The following USP28 variants were observed in gnomAD, a reference collection of about 807,000 sequenced individuals.
USP28 encodes the protein ubiquitin carboxyl-terminal hydrolase 28.
USP28 carries 113 observed loss-of-function variants against 145.0 expected under a neutral mutation model. The ratio of observed to expected loss-of-function variants is 0.78; its 90% confidence interval spans 0.67 to 0.91. USP28 has a LOEUF of 0.91. Ranked by LOEUF, USP28 falls within the 40% of genes least tolerant of loss-of-function variation. The probability of loss-of-function intolerance (pLI) is 0.00; values close to 1 mark genes in which losing one functional copy is unlikely to be tolerated. For synonymous variants in USP28, 447 were observed against 450.9 expected (o/e 0.99, Z 0.11); for missense variants, 1,201 against 1,289.6 (o/e 0.93, Z 1.05).
At chr11:113,845,647 T>C (rs112025645) in intron 3 of USP28, among the ~76,000 whole-genome samples, 1,871 of 152,248 alleles carry the variant, frequency 0.012, 23 homozygotes, top group South Asian at 0.034. Flanking sequence ...CAATCTCAGC[T>C]CACTGTAGCC....
At chr11:113,822,458 C>CAGAGAGAGAGAGAGAGAGAGAGAG (rs10524675) in intron 12 of USP28, 2 of 136,398 alleles carry the variant, frequency 1.5e-5, no homozygotes, top group African/African-American at 2.9e-5. Flanking sequence ...TCAAAAAAAA[C>CAGAGAGAGAGAGAGAGAGAGAGAG]AGAGAGAGAG....
chr11:113,805,444 T>C (rs1226294262), intron 19 of USP28, among the ~76,000 whole-genome samples: 5 of 151,940 alleles, frequency 3.3e-5, no homozygotes, highest in Middle Eastern at 6.8e-3. Flanking sequence ...TTGATAGAGA[T>C]TGGGTTTCGC....
At chr11:113,803,768 T>C (rs772095909) in intron 22 of USP28, 30 bp downstream of exon 23, 4 of 1,583,868 alleles carry the variant, frequency 2.5e-6, no homozygotes, top group Non-Finnish European at 3.5e-6. Flanking sequence ...TCCTGACTAA[T>C]AATCTTGGTA....
chr11:113,823,639 CCTT>C, exon 12 of USP28: 1 of 1,612,640 alleles, frequency 6.2e-7, no homozygotes, highest in Admixed American at 1.7e-5. Context: ...TTTATTTCCT[CCTT>C]CAACTTTCGA....
intron 1 of USP28, among the ~76,000 whole-genome samples, chr11:113,858,884 C>T (rs1431749798): frequency 6.6e-6 from 1 of 152,190 alleles, no homozygotes; most frequent in African/African-American, 2.4e-5. Context: ...GTTGGGATTA[C>T]AGGCATGAGC....
Position 113,870,033 on chromosome 11 carries a change from A to G in USP28, c.57+5412T>C, listed in dbSNP as rs1293858151. On this transcript the variant is annotated intron_variant, in intron 1 of 24. Transcript: ENST00000003302. ...CAAAATTAGCTGGGCATGGTGGTGC[A>G]TGCCTGTAATCCCAGCCACTCGGGA... 2.0e-5 allele frequency among the ~76,000 whole-genome samples: 3 copies of G among 152,108 alleles called. No individual in the cohort carries two copies. In the East Asian group the frequency reaches 5.8e-4, roughly 29 times the overall value.
chr11:113,853,265 A>G (rs1382987033), intron 2 of USP28, among the ~76,000 whole-genome samples: 1 of 132,126 alleles, frequency 7.6e-6, no homozygotes, highest in African/African-American at 2.8e-5. Flanking sequence ...ACTGCACTGC[A>G]GGCAAGGCAA....
At chr11:113,811,883 A>G (rs1458410898) in intron 16 of USP28, among the ~76,000 whole-genome samples, 1 of 152,202 alleles carries the variant, frequency 6.6e-6, no homozygotes, top group Non-Finnish European at 1.5e-5. Flanking sequence ...GTTGTTAAAC[A>G]GTTAAGATTC....
In USP28 at chr11:113,854,636, G is replaced by A. The variant is rs1029308793; in HGVS notation, c.58-301C>T. ...AGGCTGGTCTTGATCTGCTGACCTC[G>A]TGATCCACCCGCCTAGGCCTCCCAA... On this transcript the variant is annotated intron_variant, in intron 1 of 24. Transcript: ENST00000003302. Among the ~76,000 whole-genome samples the A allele has an allele frequency of 3.1e-4, 47 of 152,258 alleles. 1 individual carries two copies. The highest frequency in any genetic ancestry group is 3.4e-3 in the Middle Eastern group (1 of 294).
intron 1 of USP28, among the ~76,000 whole-genome samples, chr11:113,868,836 T>C (rs1055895509): frequency 2.1e-4 from 31 of 150,822 alleles, no homozygotes; most frequent in African/African-American, 7.6e-4. Flanking sequence ...GGTAGGAGAA[T>C]TGCTTGGGCC....
At chr11:113,826,826 G>A (rs1429693897) in intron 11 of USP28, among the ~76,000 whole-genome samples, 1 of 151,682 alleles carries the variant, frequency 6.6e-6, no homozygotes, top group Non-Finnish European at 1.5e-5. Flanking sequence ...GGCTGAGGCA[G>A]GAGAATCACT....
chr11:113,804,056 G>A (rs1939516604), intron 21 of USP28, among the ~76,000 whole-genome samples, 179 bp from the exon 23 acceptor site: 1 of 152,176 alleles, frequency 6.6e-6, no homozygotes, highest in South Asian at 2.1e-4. Flanking sequence ...GTCTACCACT[G>A]ACCTTAATTT....
intron 3 of USP28, among the ~76,000 whole-genome samples, chr11:113,848,893 T>C (rs764087357): frequency 9.9e-5 from 15 of 152,200 alleles, no homozygotes; most frequent in Non-Finnish European, 1.6e-4. Context: ...CCAGGGCTTA[T>C]GGCAAAAGCC....
At chr11:113,856,791 C>T (rs1428671648) in intron 1 of USP28, among the ~76,000 whole-genome samples, 1 of 152,156 alleles carries the variant, frequency 6.6e-6, no homozygotes, top group East Asian at 1.9e-4. Context: ...CGGCTCACTG[C>T]AACCTCCGAC....
chr11:113,819,522 T>G (rs1302747201), intron 12 of USP28, among the ~76,000 whole-genome samples: 1 of 152,238 alleles, frequency 6.6e-6, no homozygotes, highest in Non-Finnish European at 1.5e-5. Flanking sequence ...ATCTCAGTTC[T>G]ACTACCTAAT....
At chr11:113,811,687 C>CA (rs567925481) in intron 16 of USP28, among the ~76,000 whole-genome samples, 135 of 135,960 alleles carry the variant, frequency 9.9e-4, no homozygotes, top group African/African-American at 1.5e-3. Context: ...GACTATGTCT[C>CA]AAAAAAAAAA....
intron 1 of USP28, among the ~76,000 whole-genome samples, chr11:113,855,128 T>G (rs1282494113): frequency 1.3e-5 from 2 of 152,238 alleles, no homozygotes; most frequent in African/African-American, 2.4e-5. Flanking sequence ...AAAGTACAGC[T>G]AAAGCTAGAA....
chr11:113,843,867 A>G (rs556889824), intron 3 of USP28, among the ~76,000 whole-genome samples: 19 of 152,100 alleles, frequency 1.2e-4, no homozygotes, highest in African/African-American at 3.9e-4. Flanking sequence ...AGACAACTCA[A>G]GAAGGAAAGA....
At chr11:113,823,286 T>A (rs891659316) in intron 12 of USP28, among the ~76,000 whole-genome samples, 3 of 152,140 alleles carry the variant, frequency 2.0e-5, no homozygotes, top group African/African-American at 7.2e-5. Flanking sequence ...GACACTTGCT[T>A]CTCTCATGTT....
Sources: allele counts gnomAD v4.1 joint callset (sites outside exome capture counted in the v4.1 genomes callset), GRCh38; gene constraint gnomAD v4.1.1; transcripts MANE v1.5; gene names NCBI Gene and HGNC (gene_info 2026-07-23, HGNC 2026-07-21).